The following ATP2B1 variants were observed in gnomAD, a reference collection of about 807,000 sequenced individuals.
The protein encoded by ATP2B1 is ATPase plasma membrane Ca2+ transporting 1, also known as plasma membrane calcium-transporting ATPase 1.
In ATP2B1, 14 loss-of-function variants were observed where a neutral mutation model predicts 124.2. That is an observed-to-expected ratio of 0.11 (90% CI 0.07 to 0.18). ATP2B1 has a LOEUF of 0.18. Ranked by LOEUF, ATP2B1 falls within the 10% of genes least tolerant of loss-of-function variation. The pLI is 1.00. For synonymous variants in ATP2B1, 449 were observed against 492.4 expected (o/e 0.91, Z 1.17); for missense variants, 763 against 1,466.1 (o/e 0.52, Z 7.83).
At chr12:89,613,528 A>AT (rs1440815670) in intron 12 of ATP2B1, among the ~76,000 whole-genome samples, 1 of 151,852 alleles carries the variant, frequency 6.6e-6, no homozygotes, top group Non-Finnish European at 1.5e-5. Context: ...TGCTTAGATT[A>AT]TTTTTTCAAA....
chr12:89,673,709 GT>G (rs1263450429), intron 1 of ATP2B1, among the ~76,000 whole-genome samples: 1 of 152,160 alleles, frequency 6.6e-6, no homozygotes, highest in African/African-American at 2.4e-5. Flanking sequence ...AATTTGAAGT[GT>G]ATGGATTTTC....
At chr12:89,695,277 T>C (rs952839280) in intron 1 of ATP2B1, among the ~76,000 whole-genome samples, 1 of 152,042 alleles carries the variant, frequency 6.6e-6, no homozygotes, top group African/African-American at 2.4e-5. Flanking sequence ...CAGCACCTGA[T>C]GAATCACTGC....
In ATP2B1 at chr12:89,635,090, G is replaced by T; in HGVS notation, c.568C>A (p.Gln190Lys). ...QFRGLQSRIE[Q>K]EQKFTVIRGG... ...CTGATGACAGTGAACTTCTGTTCTT[G>T]TTCAATTCGGCTCTGCAAACCTCTA... The change falls in exon 4 of 21, where the codon CAA becomes AAA. Residue 190 changes from glutamine to lysine, a missense_variant. Coordinates refer to ENST00000428670, the MANE Select transcript of ATP2B1 (RefSeq NM_001366521.1). 1 of 1,613,906 alleles carries T rather than the reference G, an allele frequency of 6.2e-7. No individual in the cohort carries two copies. Among genetic ancestry groups the T allele is most frequent in the Non-Finnish European group, 8.5e-7 (1 of 1,179,888 alleles).
rs539877656 is a variant in ATP2B1 at position 89,639,027 on chromosome 12, A to G, written c.406+3131T>C. On this transcript the variant is annotated intron_variant, in intron 3 of 20. Transcript: ENST00000428670. Reference sequence around the variant, plus strand: ...TAAGTGCAGATACCAGTAACTATAGATTTATTTATGGTTTGGGCTATAGCA... The same window carrying G: ...TAAGTGCAGATACCAGTAACTATAGGTTTATTTATGGTTTGGGCTATAGCA... Among the ~76,000 whole-genome samples the G allele has an allele frequency of 6.6e-5, 10 of 152,308 alleles. No individual in the cohort carries two copies. The East Asian group carries it at 1.9e-3, about 29-fold the overall frequency.
intron 12 of ATP2B1, among the ~76,000 whole-genome samples, chr12:89,616,262 A>G (rs907510529): frequency 6.6e-6 from 1 of 152,186 alleles, no homozygotes; most frequent in Admixed American, 6.5e-5. Context: ...GCAAAAAAAA[A>G]TTAAAGAGGG....
chr12:89,688,633 G>C (rs1200639425), intron 1 of ATP2B1, among the ~76,000 whole-genome samples: 1 of 152,002 alleles, frequency 6.6e-6, no homozygotes, highest in African/African-American at 2.4e-5. Flanking sequence ...ATTCTTTGTT[G>C]AATGAATACT....
At chr12:89,700,409 G>A (rs1486234377) in intron 1 of ATP2B1, among the ~76,000 whole-genome samples, 4 of 152,042 alleles carry the variant, frequency 2.6e-5, no homozygotes, top group African/African-American at 9.7e-5. Flanking sequence ...CCACACTTAA[G>A]TACCTTAAGT....
At chr12:89,624,757 C>T (rs1880553957) in intron 8 of ATP2B1, among the ~76,000 whole-genome samples, 2 of 152,122 alleles carry the variant, frequency 1.3e-5, no homozygotes. Flanking sequence ...CTCCCTGATG[C>T]TTAAAGAGAA....
chr12:89,630,984 C>CTGG (rs1416774800), intron 5 of ATP2B1, among the ~76,000 whole-genome samples: 1 of 151,844 alleles, frequency 6.6e-6, no homozygotes, highest in East Asian at 1.9e-4. Context: ...ATTGCTCAGG[C>CTGG]TGGTCTCAAA....
intron 1 of ATP2B1, among the ~76,000 whole-genome samples, chr12:89,676,067 G>GT (rs1170287330): frequency 6.6e-6 from 1 of 152,112 alleles, no homozygotes; most frequent in African/African-American, 2.4e-5. Context: ...CAAGCTAGGA[G>GT]TTTGGATGAG....
chr12:89,599,988 A>T (rs1220061365), intron 19 of ATP2B1, among the ~76,000 whole-genome samples: 2 of 152,188 alleles, frequency 1.3e-5, no homozygotes, highest in African/African-American at 4.8e-5. Flanking sequence ...AACTTCTAGT[A>T]CACCCACCTC....
chr12:89,613,637 C>G (rs1176899507), intron 12 of ATP2B1, among the ~76,000 whole-genome samples: 1 of 152,146 alleles, frequency 6.6e-6, no homozygotes, highest in African/African-American at 2.4e-5. Context: ...ATTTTTGTAT[C>G]TAAGCAGTCC....
intron 1 of ATP2B1, among the ~76,000 whole-genome samples, chr12:89,660,248 T>C (rs1175267883): frequency 6.6e-6 from 1 of 152,174 alleles, no homozygotes; most frequent in African/African-American, 2.4e-5. Flanking sequence ...GAAGTTGTAT[T>C]TACCCAATCT....
At chr12:89,630,390 T>A (rs1881654513) in intron 6 of ATP2B1, 115 bp downstream of exon 6, 10 of 989,758 alleles carry the variant, frequency 1.0e-5, no homozygotes, top group Non-Finnish European at 1.4e-5. Flanking sequence ...AGAAAAATCT[T>A]CTTTTAACTT....
intron 9 of ATP2B1, among the ~76,000 whole-genome samples, chr12:89,622,552 C>T (rs1417897840): frequency 1.3e-5 from 2 of 151,914 alleles, no homozygotes; most frequent in Non-Finnish European, 2.9e-5. Flanking sequence ...GGGTTAAAAA[C>T]TATATGGAGT....
chr12:89,693,374 T>C (rs940800495), intron 1 of ATP2B1, among the ~76,000 whole-genome samples: 1 of 152,174 alleles, frequency 6.6e-6, no homozygotes, highest in Non-Finnish European at 1.5e-5. Flanking sequence ...GCTCAGAGTT[T>C]AACTGGACAC....
At chr12:89,670,369 G>A (rs368202180) in intron 1 of ATP2B1, among the ~76,000 whole-genome samples, 27 of 82,606 alleles carry the variant, frequency 3.3e-4, no homozygotes, top group Non-Finnish European at 6.2e-4. Context: ...AAATAAAACC[G>A]AATTTTTTTT....
chr12:89,602,932 C>T, intron 18 of ATP2B1, 111 bp downstream of exon 18: 1 of 910,266 alleles, frequency 1.1e-6, no homozygotes, highest in African/African-American at 1.7e-5. Flanking sequence ...TATATGTCAC[C>T]AAGGCAACAG....
intron 1 of ATP2B1, among the ~76,000 whole-genome samples, chr12:89,674,107 G>A: frequency 6.6e-6 from 1 of 152,284 alleles, no homozygotes; most frequent in South Asian, 2.1e-4. Context: ...CATGGTAGGT[G>A]TTGGGGACAC....
Sources: allele counts gnomAD v4.1 joint callset (sites outside exome capture counted in the v4.1 genomes callset), GRCh38; gene constraint gnomAD v4.1.1; transcripts MANE v1.5; gene names NCBI Gene and HGNC (gene_info 2026-07-23, HGNC 2026-07-21).